PKN2: variants seen among roughly 807,000 people sequenced by gnomAD.
PKN2 encodes protein kinase N2.
PKN2 carries 38 observed loss-of-function variants against 119.1 expected under a neutral mutation model. The observed-to-expected ratio is 0.32, with a 90% CI of 0.25 to 0.42. The LOEUF is 0.42. PKN2 is among the 10% of genes least tolerant of loss of function. The pLI, the probability that PKN2 is intolerant of heterozygous loss-of-function variation, is 1.00. For missense variants in PKN2, 850 were observed against 1,165.1 expected, an observed-to-expected ratio of 0.73 and a Z score of 3.94; for synonymous variants, 390 against 384.9, an observed-to-expected ratio of 1.01 and a Z score of -0.15.
Position 88,835,769 on chromosome 1 carries a change from T to G in PKN2, c.*2321T>G, listed in dbSNP as rs1672920364. 1 of 152,564 alleles carries G rather than the reference T, an allele frequency of 6.6e-6. No individual in the cohort carries two copies. The highest frequency in any genetic ancestry group is 2.4e-5 in the African/African-American group (1 of 41,462). 9.5% of individuals were successfully genotyped at this position (152,564 alleles called of 1,614,324 possible). A position where few individuals can be genotyped will look rare whatever the true frequency, so the allele number is the denominator to read the frequency against. On this transcript the variant is annotated 3_prime_UTR_variant, in exon 22 of 22. Coordinates refer to ENST00000370521, the MANE Select transcript of PKN2 (RefSeq NM_006256.4). ...TTTTGCAGTCATAAATTATCACAAATGCACAAATTAAAGTCTATATAGATT... is the reference window on the plus strand; with the variant it reads ...TTTTGCAGTCATAAATTATCACAAAGGCACAAATTAAAGTCTATATAGATT...
intron 8 of PKN2, among the ~76,000 whole-genome samples, chr1:88,790,858 T>C (rs1228984702): frequency 6.6e-6 from 1 of 152,192 alleles, no homozygotes. Context: ...TGTTCTACTT[T>C]CTAGGAAATT....
chr1:88,791,173 C>T (rs1487439248), intron 8 of PKN2, among the ~76,000 whole-genome samples: 3 of 151,862 alleles, frequency 2.0e-5, no homozygotes, highest in Non-Finnish European at 2.9e-5. Flanking sequence ...TGTGGTGGCT[C>T]ATGCCTGTAA....
At position 88,730,105 on chromosome 1, in the gene PKN2, C is replaced by T. The variant is rs535655957; in HGVS notation, c.49-10883C>T. 6.6e-5 allele frequency among the ~76,000 whole-genome samples: 10 copies of T among 151,546 alleles called. No individual in the cohort carries two copies. The South Asian group carries it at 1.7e-3, about 25-fold the overall frequency. On this transcript the variant is annotated intron_variant, in intron 1 of 21. Coordinates refer to ENST00000370521, the MANE Select transcript of PKN2 (RefSeq NM_006256.4). ...ACGTAAACCCGGGAGGCGGAGCTTG[C>T]AGTGAGCGGAGATTGTGCCACTGCA...
intron 8 of PKN2, among the ~76,000 whole-genome samples, chr1:88,795,997 G>C (rs1278025930): frequency 1.3e-5 from 2 of 152,202 alleles, no homozygotes; most frequent in Non-Finnish European, 2.9e-5. Context: ...GAACTACTAA[G>C]TGGTGTGGGA....
At chr1:88,733,161 A>T (rs1668208539) in intron 1 of PKN2, among the ~76,000 whole-genome samples, 2 of 152,248 alleles carry the variant, frequency 1.3e-5, no homozygotes, top group African/African-American at 4.8e-5. Flanking sequence ...AGGAGTGCAG[A>T]TATCTGTAAA....
At position 88,813,713 on chromosome 1, in the gene PKN2, C is replaced by A; in HGVS notation, c.2259C>A (p.Val753=). The change falls in exon 16 of 22, where the codon GTC becomes GTA. Residue 753 remains valine, a synonymous_variant. Coordinates refer to ENST00000370521, the MANE Select transcript of PKN2 (RefSeq NM_006256.4). ...TAATGATGCACATTCATACTGATGT[C>A]TTTTCTGAACCAAGAGCTGTGTGAG... is the stretch of plus-strand genomic sequence containing the variant. ...GDLMMHIHTD[V]FSEPRAVFYA... The A allele has an allele frequency of 5.6e-6, 9 of 1,593,908 alleles. No individual in the cohort carries two copies. The highest frequency in any genetic ancestry group is 7.7e-6 in the Non-Finnish European group (9 of 1,173,338).
In PKN2 at chr1:88,771,821, A is replaced by C. The variant is rs540997930; in HGVS notation, c.927A>C (p.Gln309His). The change falls in exon 6 of 22, where the codon CAA (glutamine) becomes CAC (histidine). Residue 309 changes from glutamine (Q) to histidine (H), a missense_variant. By Grantham distance (24) the Gln-to-His change is conservative. Around this residue, in one of 9 missense-constraint regions of PKN2, gnomAD observed 350 missense variants for 511.1 expected, o/e 0.68. Transcript: ENST00000370521. ...CATCACCAACACTAAGTCCACGTCA[A>C]AGTATGATATCTACGCAAAATCAAT... is the stretch of plus-strand genomic sequence containing the variant. ...VAASPTLSPR[Q>H]SMISTQNQYS... 1.9e-6 allele frequency: 3 copies of C among 1,614,008 alleles called. No homozygotes were observed. Among genetic ancestry groups the C allele is most frequent in the Non-Finnish European group, 2.5e-6 (3 of 1,179,940 alleles).
At chr1:88,765,420 A>C (rs1669630615) in intron 3 of PKN2, among the ~76,000 whole-genome samples, 1 of 152,180 alleles carries the variant, frequency 6.6e-6, no homozygotes, top group South Asian at 2.1e-4. Context: ...GATATACCAG[A>C]CTGTCCATCC....
intron 8 of PKN2, among the ~76,000 whole-genome samples, chr1:88,791,449 T>C (rs1378313125): frequency 6.7e-6 from 1 of 148,202 alleles, no homozygotes; most frequent in Non-Finnish European, 1.5e-5. Context: ...AAAAAAGCTG[T>C]GTGTGTGGAG....
chr1:88,801,301 C>G (rs920236371), intron 8 of PKN2, among the ~76,000 whole-genome samples: 1 of 152,160 alleles, frequency 6.6e-6, no homozygotes, highest in South Asian at 2.1e-4. Flanking sequence ...AGGAGAATCA[C>G]TTGAACCTGG....
intron 16 of PKN2, among the ~76,000 whole-genome samples, chr1:88,815,737 A>G (rs779408154): frequency 2.0e-5 from 3 of 152,228 alleles, no homozygotes; most frequent in Admixed American, 6.5e-5. Flanking sequence ...TGAAGATTAA[A>G]TAAGCTAATA....
intron 6 of PKN2, among the ~76,000 whole-genome samples, chr1:88,776,874 G>A (rs1350929197): frequency 1.3e-5 from 2 of 151,798 alleles, no homozygotes; most frequent in East Asian, 3.9e-4. Context: ...GCTTTTCTTT[G>A]TTTTTTCACA....
intron 16 of PKN2, among the ~76,000 whole-genome samples, chr1:88,814,127 A>G (rs1184219555): frequency 1.3e-5 from 2 of 152,198 alleles, no homozygotes; most frequent in African/African-American, 4.8e-5. Context: ...TTTATATAAA[A>G]TATTTGTATT....
intron 2 of PKN2, among the ~76,000 whole-genome samples, chr1:88,744,174 C>G (rs1668679631): frequency 6.6e-6 from 1 of 152,028 alleles, no homozygotes; most frequent in African/African-American, 2.4e-5. Context: ...AGATGTTTTA[C>G]CTTGCACACT....
intron 17 of PKN2, 114 bp from the exon 18 acceptor site, chr1:88,824,196 C>A (rs574977048): frequency 3.4e-6 from 2 of 580,906 alleles, no homozygotes; most frequent in East Asian, 5.7e-5. Flanking sequence ...ACTTGGAAAT[C>A]CCATTTTTAA....
chr1:88,766,488 A>G (rs1254883191), intron 3 of PKN2, among the ~76,000 whole-genome samples: 1 of 152,174 alleles, frequency 6.6e-6, no homozygotes, highest in Non-Finnish European at 1.5e-5. Flanking sequence ...ATAATTTTTT[A>G]GTTATTCTTA....
At chr1:88,753,886 A>T (rs1297556629) in intron 2 of PKN2, among the ~76,000 whole-genome samples, 1 of 152,096 alleles carries the variant, frequency 6.6e-6, no homozygotes, top group African/African-American at 2.4e-5. Context: ...ATCGCAATTT[A>T]AGGAGGCAGT....
At chr1:88,794,316 G>A (rs528535529) in intron 8 of PKN2, among the ~76,000 whole-genome samples, 29 of 149,790 alleles carry the variant, frequency 1.9e-4, no homozygotes, top group African/African-American at 7.2e-4. Flanking sequence ...GCGGTGAGCC[G>A]AGATCATGCC....
At chr1:88,760,543 A>G (rs1002312718) in intron 3 of PKN2, among the ~76,000 whole-genome samples, 167 bp downstream of exon 3, 4 of 152,184 alleles carry the variant, frequency 2.6e-5, no homozygotes, top group African/African-American at 9.7e-5. Context: ...GGAAATTTGA[A>G]TTATATGACA....
Sources: allele counts gnomAD v4.1 joint callset (sites outside exome capture counted in the v4.1 genomes callset), GRCh38; gene constraint gnomAD v4.1.1; regional missense constraint gnomAD v4.1.1; transcripts MANE v1.5; gene names NCBI Gene and HGNC (gene_info 2026-07-23, HGNC 2026-07-21).